The following XK variants were observed in gnomAD, a reference collection of about 807,000 sequenced individuals.
The protein encoded by XK is X-linked Kx blood group antigen, Kell and VPS13A binding protein, also known as endoplasmic reticulum membrane adapter protein XK.
Under a neutral mutation model 14.0 loss-of-function variants are expected in XK, and 2 were observed. That is an observed-to-expected ratio of 0.14 (90% CI 0.06 to 0.45). The LOEUF is 0.45. XK is among the 20% of genes least tolerant of loss of function. XK has a pLI of 0.98. For missense variants in XK, 235 were observed against 341.5 expected, an observed-to-expected ratio of 0.69 and a Z score of 2.46; for synonymous variants, 149 against 147.5, an observed-to-expected ratio of 1.01 and a Z score of -0.08.
chrX:37,717,757 C>T (rs1365629432), intron 2 of XK, among the ~76,000 whole-genome samples: 1 of 111,813 alleles, frequency 8.9e-6, no homozygotes, highest in Non-Finnish European at 1.9e-5. Flanking sequence ...ATCTGGTAAA[C>T]TGGCAGATGT....
intron 2 of XK, among the ~76,000 whole-genome samples, chrX:37,696,818 T>G (rs912368829): frequency 1.8e-4 from 20 of 112,460 alleles, no homozygotes; most frequent in Non-Finnish European, 3.2e-4. Flanking sequence ...GCCTTTTGCT[T>G]GGGTTGCTAC....
chrX:37,690,739 G>A (rs5963230), intron 1 of XK, among the ~76,000 whole-genome samples: 3 of 110,682 alleles, frequency 2.7e-5, no homozygotes, highest in Non-Finnish European at 5.7e-5. Flanking sequence ...AGACCATGGC[G>A]TGTGAATCAT....
At chrX:37,691,897 G>A (rs1927210074) in intron 1 of XK, among the ~76,000 whole-genome samples, 2 of 111,399 alleles carry the variant, frequency 1.8e-5, no homozygotes, top group Admixed American at 1.9e-4. Context: ...AGGCTCAGGA[G>A]TGAGGGTCCC....
intron 2 of XK, among the ~76,000 whole-genome samples, chrX:37,720,489 A>G (rs1342961255): frequency 1.8e-5 from 2 of 111,182 alleles, no homozygotes; most frequent in Non-Finnish European, 3.8e-5. Context: ...GATGGCCACA[A>G]GGCTAATTAC....
Position 37,729,352 on chromosome X carries a change from C to G in XK, c.*890C>G, listed in dbSNP as rs200936215. 5 of 111,739 alleles carry G rather than the reference C, an allele frequency of 4.5e-5. No individual in the cohort carries two copies. The East Asian group carries it at 1.1e-3, about 25-fold the overall frequency. The allele number at this position is 111,739 out of a possible 1,213,427, so 9.2% of individuals were successfully genotyped here. ...GAAAACCCCACAGAAATCTCTCACC[C>G]AGTTCAGGTGTATAGGGAATTTTCA... On this transcript the variant is annotated 3_prime_UTR_variant, in exon 3 of 3. Transcript: ENST00000378616.
Position 37,686,012 on chromosome X carries a change from G to C in XK, c.51G>C (p.Glu17Asp), listed in dbSNP as rs782053706. ...VLASVFLFVAETTAALSLSST... is the reference protein window; with the variant it reads ...VLASVFLFVADTTAALSLSST... ...CGTCCGTGTTCCTGTTCGTGGCCGA[G>C]ACAACGGCGGCGCTCAGCCTGAGCA... The change falls in exon 1 of 3, where the codon GAG becomes GAC. Residue 17 changes from glutamate (E) to aspartate (D), a missense_variant. Transcript: ENST00000378616. The C allele has an allele frequency of 8.3e-7, 1 of 1,208,086 alleles. No individual in the cohort carries two copies. The highest frequency in any genetic ancestry group is 2.2e-5 in the Admixed American group (1 of 45,973).
intron 2 of XK, among the ~76,000 whole-genome samples, chrX:37,713,449 A>G (rs1252431654): frequency 2.7e-5 from 3 of 111,880 alleles, no homozygotes; most frequent in Non-Finnish European, 5.6e-5. Context: ...GAGAAGATAT[A>G]GACCCTACTT....
In XK at chrX:37,696,579, G is replaced by A. The variant is rs782477931; in HGVS notation, c.508+2031G>A. On this transcript the variant is annotated intron_variant, in intron 2 of 2. Transcript: ENST00000378616. ...AAGGAGGGAATATCTCACCCGGAAA[G>A]GGTAAGACCCTTATGAATGGAGCAT... is the stretch of plus-strand genomic sequence containing the variant. Among the ~76,000 whole-genome samples, 10 of 112,892 alleles carry A rather than the reference G, an allele frequency of 8.9e-5. No individual in the cohort carries two copies. The East Asian group carries it at 2.2e-3, about 25-fold the overall frequency.
At chrX:37,720,015 G>A (rs782646414) in intron 2 of XK, among the ~76,000 whole-genome samples, 8 of 110,743 alleles carry the variant, frequency 7.2e-5, no homozygotes, top group Non-Finnish European at 1.5e-4. Flanking sequence ...CAATCTTTGC[G>A]AGGGCTTAAT....
Position 37,685,831 on chromosome X carries a change from G to T in XK, c.-131G>T. 1 of 762,397 alleles carries T rather than the reference G, an allele frequency of 1.3e-6. No homozygotes were observed. The allele number at this position is 762,397 out of a possible 1,213,427, so 62.8% of individuals were successfully genotyped here. A position where few individuals can be genotyped will look rare whatever the true frequency, so the allele number is the denominator to read the frequency against. On this transcript the variant is annotated 5_prime_UTR_variant, in exon 1 of 3. Transcript: ENST00000378616. ...CGGCCGGGCCCGCGTGCCCTCGGCG[G>T]GCTGCGCAGAGCGCGGGAGCGGTTT...
intron 1 of XK, among the ~76,000 whole-genome samples, chrX:37,692,162 T>G (rs1927215379): frequency 9.0e-6 from 1 of 111,551 alleles, no homozygotes; most frequent in Non-Finnish European, 1.9e-5. Flanking sequence ...TTTAAATTGT[T>G]GCAATACGTT....
rs782066998 is a variant in XK at position 37,727,681 on chromosome X, T to C, written c.554T>C (p.Leu185Ser). 15 of 1,208,963 alleles carry C rather than the reference T, an allele frequency of 1.2e-5. No individual in the cohort carries two copies. The Admixed American group carries it at 2.6e-4, about 21-fold the overall frequency. ...ISLLSIVYGALRCNILAIKIK... is the reference protein window; with the variant it reads ...ISLLSIVYGASRCNILAIKIK... ...CTGTTGTCCATTGTGTATGGAGCCT[T>C]GCGCTGCAACATCCTAGCCATCAAA... Residue 185 changes from leucine (L) to serine (S), a missense_variant, in exon 3 of 3, where the codon TTG (leucine) becomes TCG (serine). Transcript: ENST00000378616.
intron 2 of XK, among the ~76,000 whole-genome samples, chrX:37,706,894 A>C (rs1270455608): frequency 9.0e-6 from 1 of 110,930 alleles, no homozygotes; most frequent in Non-Finnish European, 1.9e-5. Flanking sequence ...CACCCCCCTT[A>C]ATCCATTTAA....
At chrX:37,693,504 T>C (rs1479915467) in intron 1 of XK, among the ~76,000 whole-genome samples, 1 of 110,957 alleles carries the variant, frequency 9.0e-6, no homozygotes, top group Non-Finnish European at 1.9e-5. Context: ...TGTGTGTGTA[T>C]GTACTTCAAA....
chrX:37,707,897 G>A (rs55811954), intron 2 of XK, among the ~76,000 whole-genome samples: 3,729 of 112,373 alleles, frequency 0.033, 152 homozygotes, highest in African/African-American at 0.11. Flanking sequence ...TCACGCCACC[G>A]CACTCCAGCC....
chrX:37,715,026 A>G (rs908633369), intron 2 of XK, among the ~76,000 whole-genome samples: 10 of 109,309 alleles, frequency 9.1e-5, no homozygotes, highest in East Asian at 5.6e-4. Context: ...TAGTGTGTGT[A>G]TATATATATA....
chrX:37,721,446 G>A (rs1024678267), intron 2 of XK, among the ~76,000 whole-genome samples: 3 of 111,217 alleles, frequency 2.7e-5, no homozygotes, highest in Non-Finnish European at 5.7e-5. Flanking sequence ...ATACCCACAT[G>A]AAAATAGGCT....
chrX:37,711,274 G>T (rs1199684120), intron 2 of XK, among the ~76,000 whole-genome samples: 1 of 112,371 alleles, frequency 8.9e-6, no homozygotes, highest in Admixed American at 9.4e-5. Flanking sequence ...TGAGCCGTAT[G>T]TCCATGCAGC....
At chrX:37,691,542 T>C (rs1232943729) in intron 1 of XK, among the ~76,000 whole-genome samples, 2 of 112,093 alleles carry the variant, frequency 1.8e-5, no homozygotes, top group Admixed American at 1.9e-4. Flanking sequence ...CAAATGCGTA[T>C]ATTCTCATCA....
Sources: gnomAD v4.1 joint callset for allele counts (sites outside exome capture counted in the v4.1 genomes callset) on GRCh38, gnomAD v4.1.1 for gene constraint, MANE v1.5 for transcripts, NCBI Gene and HGNC (gene_info 2026-07-23, HGNC 2026-07-21) for gene names.